Variants in TTLL11 observed in about 807,000 individuals in gnomAD.
TTLL11 encodes the protein tubulin polyglutamylase TTLL11.
A neutral mutation model predicts 51.7 loss-of-function variants in TTLL11; 42 were observed. The observed-to-expected ratio is 0.81, with a 90% confidence interval of 0.64 to 1.05. The LOEUF is 1.05. Ranked by LOEUF, TTLL11 falls within the 50% of genes least tolerant of loss-of-function variation. The pLI is 0.00. For synonymous variants in TTLL11, 381 were observed against 383.5 expected (o/e 0.99, Z 0.08); for missense variants, 799 against 940.4 (o/e 0.85, Z 1.97).
At chr9:121,864,622 C>A (rs1429069622) in intron 7 of TTLL11, among the ~76,000 whole-genome samples, 1 of 152,236 alleles carries the variant, frequency 6.6e-6, no homozygotes, top group Non-Finnish European at 1.5e-5. Flanking sequence ...TAAGGACTAG[C>A]TCAGTGCCTG....
At chr9:121,892,145 C>A (rs11792153) in intron 6 of TTLL11, among the ~76,000 whole-genome samples, 3 of 89,164 alleles carry the variant, frequency 3.4e-5, no homozygotes, top group Non-Finnish European at 7.2e-5. Context: ...TATATATACA[C>A]ACATACATAT....
rs1843055309 is a variant in TTLL11 at position 121,989,738 on chromosome 9, C to T, written c.726G>A (p.Trp242Ter). The change falls in exon 4 of 9, where the codon TGG becomes TGA. Residue 242 changes from tryptophan to a stop codon, truncating the protein, a stop_gained. Coordinates refer to ENST00000321582, the MANE Select transcript of TTLL11 (RefSeq NM_001139442.2). LOFTEE classifies it high-confidence loss of function. The surrounding 1 kb of genome is among the most constrained non-coding windows in gnomAD (Gnocchi z 4.2). Reference sequence around the variant, plus strand: ...CAGGTTTCACGATAAAAGTGGGCTTCCAGGAGGGGTCATCGTCTTTCACCA... The same window carrying T: ...CAGGTTTCACGATAAAAGTGGGCTTTCAGGAGGGGTCATCGTCTTTCACCA... ...VQMVKDDDPSWKPTFIVKPDG... is the reference protein window; with the variant it reads ...VQMVKDDDPS 1 of 1,607,348 alleles carries T rather than the reference C, an allele frequency of 6.2e-7. No homozygotes were observed. The highest frequency in any genetic ancestry group is 8.5e-7 in the Non-Finnish European group (1 of 1,175,128).
chr9:122,062,462 CTTTTTTTTTTTT>C (rs386416145), intron 1 of TTLL11, among the ~76,000 whole-genome samples: 1 of 77,678 alleles, frequency 1.3e-5, no homozygotes, highest in South Asian at 4.9e-4. Flanking sequence ...TTATATTATG[CTTTTTTTTTTTT>C]TTTTTTTTTT....
intron 6 of TTLL11, among the ~76,000 whole-genome samples, chr9:121,929,614 G>C (rs1169630065): frequency 1.3e-5 from 2 of 152,168 alleles, no homozygotes; most frequent in Admixed American, 1.3e-4. Flanking sequence ...TCATTCATTT[G>C]TTCCTTATAG....
At chr9:122,001,172 T>G (rs1843451825) in intron 3 of TTLL11, among the ~76,000 whole-genome samples, 1 of 152,200 alleles carries the variant, frequency 6.6e-6, no homozygotes, top group African/African-American at 2.4e-5. Context: ...CTCGGCTCAT[T>G]GCAACTGCGG....
chr9:121,860,914 G>A (rs10985423), intron 7 of TTLL11, among the ~76,000 whole-genome samples: 38,140 of 152,090 alleles, frequency 0.25, 5,951 homozygotes, highest in Admixed American at 0.38. Context: ...GGTCTGGAAT[G>A]TCCTCCCTTA....
At chr9:122,010,197 AATC>A (rs1439669888) in intron 3 of TTLL11, among the ~76,000 whole-genome samples, 1 of 152,222 alleles carries the variant, frequency 6.6e-6, no homozygotes, top group Non-Finnish European at 1.5e-5. Flanking sequence ...CTTTCCTCTT[AATC>A]ATCATTTAAT....
chr9:122,084,385 A>G (rs949408807), intron 1 of TTLL11, among the ~76,000 whole-genome samples: 1 of 152,198 alleles, frequency 6.6e-6, no homozygotes, highest in African/African-American at 2.4e-5. Flanking sequence ...ACAAACACGC[A>G]TGCAAATGGC....
At chr9:121,831,431 T>C (rs1189476498) in intron 8 of TTLL11, among the ~76,000 whole-genome samples, 2 of 152,194 alleles carry the variant, frequency 1.3e-5, no homozygotes, top group African/African-American at 4.8e-5. Flanking sequence ...CTGGGCCCAG[T>C]GGCTCACACC....
At chr9:122,034,891 G>A (rs1844658657) in intron 2 of TTLL11, among the ~76,000 whole-genome samples, 1 of 152,094 alleles carries the variant, frequency 6.6e-6, no homozygotes, top group Non-Finnish European at 1.5e-5. Context: ...CCCCTCCCTG[G>A]GCTCTAGGAC....
intron 8 of TTLL11, among the ~76,000 whole-genome samples, chr9:121,833,108 T>C (rs1357604069): frequency 6.6e-6 from 1 of 152,138 alleles, no homozygotes; most frequent in Admixed American, 6.5e-5. Flanking sequence ...TGCAGTTAGA[T>C]TCGCTGGTCT....
intron 8 of TTLL11, among the ~76,000 whole-genome samples, chr9:121,849,479 G>A (rs1837605066): frequency 6.6e-6 from 1 of 152,110 alleles, no homozygotes; most frequent in African/African-American, 2.4e-5. Context: ...CACAGACTGG[G>A]AGAAAAGTAT....
intron 6 of TTLL11, among the ~76,000 whole-genome samples, chr9:121,872,283 G>T (rs1384245997): frequency 6.6e-6 from 1 of 152,158 alleles, no homozygotes; most frequent in African/African-American, 2.4e-5. Context: ...GACCACACAG[G>T]TCCCTCTCTC....
rs547175949 is a variant in TTLL11 at position 121,992,129 on chromosome 9, G to A, written c.694-2359C>T. On this transcript the variant is annotated intron_variant, in intron 3 of 8. Coordinates refer to ENST00000321582, the MANE Select transcript of TTLL11 (RefSeq NM_001139442.2). ...TCCAGGAACTATATCTGTAGATCCT[G>A]AGTTGGCCAGACTGCCCCAGTTTCA... Among the ~76,000 whole-genome samples, 17 of 152,256 alleles carry A rather than the reference G, an allele frequency of 1.1e-4. No individual in the cohort carries two copies. The South Asian group carries it at 3.5e-3, about 32-fold the overall frequency.
rs372845929 is a variant in TTLL11, at chr9:122,057,309, T to G, written c.463-17941A>C. On this transcript the variant is annotated intron_variant, in intron 1 of 8. Transcript: ENST00000321582. ...GTGATCTGCTGTAAGGTGACATGAT[T>G]CAAGCTCAAATCCTTTTTTTTTTTT... 1.7e-4 allele frequency among the ~76,000 whole-genome samples: 25 copies of G among 149,274 alleles called. No individual in the cohort carries two copies. In the East Asian group the frequency reaches 2.7e-3, roughly 16 times the overall value.
chr9:121,828,101 C>A (rs766707525), intron 8 of TTLL11, among the ~76,000 whole-genome samples: 1 of 151,986 alleles, frequency 6.6e-6, no homozygotes, highest in Non-Finnish European at 1.5e-5. Context: ...CATGTTCTTG[C>A]GGAATGACCT....
chr9:121,845,686 G>C (rs931848807), intron 8 of TTLL11, among the ~76,000 whole-genome samples: 4 of 152,094 alleles, frequency 2.6e-5, no homozygotes, highest in Non-Finnish European at 5.9e-5. Context: ...TCTGTTAAAG[G>C]GGTATAGTGT....
At position 121,978,231 on chromosome 9, in the gene TTLL11, A is replaced by G. The variant is rs140598605; in HGVS notation, c.1270-3252T>C. On this transcript the variant is annotated intron_variant, in intron 4 of 8. Coordinates refer to ENST00000321582, the MANE Select transcript of TTLL11 (RefSeq NM_001139442.2). ...AAGTCCAATAAAATATGTAGCATCA[A>G]TGGATCTTAATAAACAGAATCACAG... Among the ~76,000 whole-genome samples, 12 of 152,348 alleles carry G rather than the reference A, an allele frequency of 7.9e-5. No homozygotes were observed. In the East Asian group the frequency reaches 1.5e-3, roughly 20 times the overall value.
chr9:121,882,358 G>A (rs144305439), intron 6 of TTLL11, among the ~76,000 whole-genome samples: 73 of 152,274 alleles, frequency 4.8e-4, no homozygotes, highest in Non-Finnish European at 8.4e-4. Flanking sequence ...GCCGCAGCAC[G>A]AGAACACTGG....
Sources: gnomAD v4.1 joint callset for allele counts (sites outside exome capture counted in the v4.1 genomes callset) on GRCh38, gnomAD v4.1.1 for gene constraint, Gnocchi (gnomAD v3.1) non-coding constraint, MANE v1.5 for transcripts, NCBI Gene and HGNC (gene_info 2026-07-23, HGNC 2026-07-21) for gene names.